The following HS3ST4 variants were observed in gnomAD, a reference collection of about 807,000 sequenced individuals.
HS3ST4 encodes heparan sulfate-glucosamine 3-sulfotransferase 4.
HS3ST4 carries 17 observed loss-of-function variants against 29.2 expected under a neutral mutation model. The observed-to-expected ratio is 0.58, with a 90% CI of 0.40 to 0.87. The LOEUF (loss-of-function observed/expected upper bound fraction) is 0.87. Among genes scored for constraint, HS3ST4 ranks in the 40% least tolerant of loss-of-function variants. The probability of loss-of-function intolerance (pLI) is 0.00; values close to 1 mark genes in which losing one functional copy is unlikely to be tolerated. For synonymous variants in HS3ST4, 314 were observed against 285.7 expected, an observed-to-expected ratio of 1.10 and a Z score of -1.00; for missense variants, 627 against 634.5, an observed-to-expected ratio of 0.99 and a Z score of 0.13.
At chr16:25,897,574 C>G (rs1461038326) in intron 1 of HS3ST4, among the ~76,000 whole-genome samples, 1 of 152,146 alleles carries the variant, frequency 6.6e-6, no homozygotes, top group Non-Finnish European at 1.5e-5. Flanking sequence ...GGCAAGTCAC[C>G]CAGTTCCTCT....
At chr16:25,779,566 G>C (rs1316098628) in intron 1 of HS3ST4, among the ~76,000 whole-genome samples, 1 of 152,192 alleles carries the variant, frequency 6.6e-6, no homozygotes, top group Non-Finnish European at 1.5e-5. Flanking sequence ...ACCCTGAGGA[G>C]TCTAAACCGT....
chr16:25,749,405 G>C (rs771192623), intron 1 of HS3ST4, among the ~76,000 whole-genome samples: 35 of 152,070 alleles, frequency 2.3e-4, no homozygotes, highest in Non-Finnish European at 4.3e-4. Context: ...TGAGGTGGGA[G>C]GATCACCTGA....
chr16:25,769,245 G>A (rs1345743465), intron 1 of HS3ST4, among the ~76,000 whole-genome samples: 1 of 152,096 alleles, frequency 6.6e-6, no homozygotes, highest in Non-Finnish European at 1.5e-5. Context: ...GTGTAGGGGT[G>A]GGGAGGGTGT....
At chr16:26,126,996 C>T (rs1899352702) in intron 1 of HS3ST4, among the ~76,000 whole-genome samples, 1 of 152,032 alleles carries the variant, frequency 6.6e-6, no homozygotes, top group Non-Finnish European at 1.5e-5. Flanking sequence ...GGAATAGCTA[C>T]CCTCCTTGGC....
intron 1 of HS3ST4, among the ~76,000 whole-genome samples, chr16:25,946,698 G>A (rs536797532): frequency 2.0e-5 from 3 of 152,314 alleles, no homozygotes; most frequent in Non-Finnish European, 4.4e-5. Flanking sequence ...TAAGTGAAAT[G>A]TAACAGAAGT....
chr16:25,944,765 T>C (rs984844445), intron 1 of HS3ST4, among the ~76,000 whole-genome samples: 2 of 152,268 alleles, frequency 1.3e-5, no homozygotes, highest in African/African-American at 4.8e-5. Context: ...AGTTCCTTGA[T>C]ACCCAGAGGT....
chr16:25,828,242 C>CTTTCTTTTTCTGTCTTTCTT lies in HS3ST4; in HGVS notation c.734+135092_734+135093insTTCTTTTTCTGTCTTTCTTT, dbSNP rs1371928058. 8.0e-5 allele frequency among the ~76,000 whole-genome samples: 6 copies of CTTTCTTTTTCTGTCTTTCTT among 75,016 alleles called. 1 individual carries two copies. The highest frequency in any genetic ancestry group is 5.7e-4 in the South Asian group (1 of 1,756). The allele number at this position is 75,016 out of a possible 152,430, so 49.2% of individuals were successfully genotyped here. The stretch of plus-strand genomic sequence containing the variant: ...CTTTCCTTTCTTTCTTTCTTTCTTT[C>CTTTCTTTTTCTGTCTTTCTT]TCTTTCTTTCTTTCTTTCTTTCTTT... On this transcript the variant is annotated intron_variant, in intron 1 of 1. Coordinates refer to ENST00000331351, the MANE Select transcript of HS3ST4 (RefSeq NM_006040.3).
In HS3ST4 at chr16:26,136,056, G is replaced by T. The variant is rs1443624504; in HGVS notation, c.1179G>T (p.Gly393=). 2 of 1,613,870 alleles carry T rather than the reference G, an allele frequency of 1.2e-6. No homozygotes were observed. Among genetic ancestry groups the T allele is most frequent in the South Asian group, 1.1e-5 (1 of 91,080 alleles). The change falls in exon 2 of 2, where the codon GGG becomes GGT. Residue 393 remains glycine (G), a synonymous_variant. Transcript: ENST00000331351. ...ATTTCTATTTCAACAAAACCAAGGG[G>T]TTCCCTTGCCTAAAGAAGCCAGAAG... The part of the protein sequence containing the change: ...EKHFYFNKTK[G]FPCLKKPEDS...
rs762212461 is a variant in HS3ST4 at position 26,135,833 on chromosome 16, G to T, written c.956G>T (p.Arg319Leu). The T allele has an allele frequency of 6.2e-7, 1 of 1,613,946 alleles. No individual in the cohort carries two copies. Residue 319 changes from arginine to leucine, a missense_variant, in exon 2 of 2, where the codon CGG (arginine) becomes CTG (leucine). This residue lies in a region of HS3ST4 where 225 missense variants were observed against 293.7 expected (regional missense o/e 0.77). Transcript: ENST00000331351. ...PTFEVLAFKN[R>L]TLGLIDASWS... ...TTTGAGGTGCTGGCCTTCAAAAACC[G>T]GACCCTCGGGCTGATCGATGCTTCC...
intron 1 of HS3ST4, among the ~76,000 whole-genome samples, chr16:25,756,042 C>T (rs1346661110): frequency 1.3e-5 from 2 of 151,534 alleles, no homozygotes; most frequent in Non-Finnish European, 2.9e-5. Flanking sequence ...GAAGAATATT[C>T]CTTGATCTTT....
chr16:25,770,602 G>A (rs1966840607), intron 1 of HS3ST4, among the ~76,000 whole-genome samples: 1 of 152,194 alleles, frequency 6.6e-6, no homozygotes, highest in Admixed American at 6.5e-5. Flanking sequence ...GGTGTGTGGA[G>A]TGGAACAGGG....
intron 1 of HS3ST4, among the ~76,000 whole-genome samples, chr16:25,760,174 A>G (rs959271729): frequency 2.6e-5 from 4 of 152,142 alleles, no homozygotes; most frequent in South Asian, 2.1e-4. Flanking sequence ...TTAGGGCTCA[A>G]CAACACTGTT....
chr16:26,044,879 C>T (rs1397114991), intron 1 of HS3ST4, among the ~76,000 whole-genome samples: 1 of 152,090 alleles, frequency 6.6e-6, no homozygotes, highest in Admixed American at 6.6e-5. Flanking sequence ...TTTATTATGT[C>T]CTGTGGTCAC....
intron 1 of HS3ST4, among the ~76,000 whole-genome samples, chr16:25,711,182 C>T (rs377583300): frequency 2.3e-4 from 35 of 152,016 alleles, no homozygotes; most frequent in South Asian, 1.0e-3. Context: ...AAGACTTTGG[C>T]GATGTCTACT....
intron 1 of HS3ST4, among the ~76,000 whole-genome samples, chr16:25,991,105 C>T (rs908401003): frequency 1.3e-5 from 2 of 148,808 alleles, no homozygotes; most frequent in African/African-American, 5.2e-5. Flanking sequence ...CATTGATACA[C>T]CGGCCTCACC....
At chr16:25,741,390 A>AAAAG (rs1596557792) in intron 1 of HS3ST4, among the ~76,000 whole-genome samples, 1 of 143,922 alleles carries the variant, frequency 6.9e-6, no homozygotes, top group Non-Finnish European at 1.5e-5. Context: ...AAAAAAAAAA[A>AAAAG]GGCGGGGGGA....
intron 1 of HS3ST4, among the ~76,000 whole-genome samples, chr16:26,117,245 G>C (rs1277843978): frequency 6.6e-6 from 1 of 152,216 alleles, no homozygotes; most frequent in Non-Finnish European, 1.5e-5. Flanking sequence ...AGGATTGTTA[G>C]AGATACAGGC....
intron 1 of HS3ST4, among the ~76,000 whole-genome samples, chr16:25,953,961 T>G (rs1223511044): frequency 6.6e-6 from 1 of 152,148 alleles, no homozygotes; most frequent in Non-Finnish European, 1.5e-5. Context: ...ACTTCCAGTT[T>G]CCTTTTCGTG....
intron 1 of HS3ST4, among the ~76,000 whole-genome samples, chr16:25,952,366 G>A (rs891745428): frequency 6.6e-5 from 10 of 152,136 alleles, no homozygotes; most frequent in Non-Finnish European, 1.0e-4. Context: ...GATATAGGGG[G>A]GTATGCAGTC....
Sources: allele counts gnomAD v4.1 joint callset (sites outside exome capture counted in the v4.1 genomes callset), GRCh38; gene constraint gnomAD v4.1.1; regional missense constraint gnomAD v4.1.1; transcripts MANE v1.5; gene names NCBI Gene and HGNC (gene_info 2026-07-23, HGNC 2026-07-21).